Variants in FHIT observed in about 807,000 individuals in gnomAD.
FHIT encodes bis(5'-adenosyl)-triphosphatase.
Under a neutral mutation model 17.9 loss-of-function variants are expected in FHIT, and 19 were observed. The ratio of observed to expected loss-of-function variants is 1.06; its 90% CI spans 0.74 to 1.56. FHIT has a LOEUF of 1.56. FHIT is among the 40% of genes most tolerant of loss of function. FHIT has a pLI of 0.00. For synonymous variants in FHIT, 81 were observed against 69.7 expected (o/e 1.16, Z -0.81); for missense variants, 248 against 189.2 (o/e 1.31, Z -1.82).
At chr3:60,912,906 A>G (rs1706818877) in intron 3 of FHIT, 1 of 395,246 alleles carries the variant, frequency 2.5e-6, no homozygotes, top group Non-Finnish European at 4.8e-6. Flanking sequence ...GTGCAAGTAC[A>G]TGTTAATAAA....
intron 5 of FHIT, among the ~76,000 whole-genome samples, chr3:60,490,331 A>C (rs2034012298): frequency 6.6e-6 from 1 of 152,092 alleles, no homozygotes; most frequent in Non-Finnish European, 1.5e-5. Flanking sequence ...AGTTAACAAA[A>C]TGTGTTATGG....
intron 5 of FHIT, chr3:60,535,974 G>A (rs986063400): frequency 6.6e-6 from 1 of 151,996 alleles, no homozygotes; most frequent in African/African-American, 2.4e-5. Context: ...TCATTTCAAA[G>A]CAAAATCATG....
chr3:60,331,022 G>A (rs1235466974), intron 5 of FHIT, among the ~76,000 whole-genome samples: 1 of 152,130 alleles, frequency 6.6e-6, no homozygotes, highest in African/African-American at 2.4e-5. Context: ...TTCTTCCAAG[G>A]CTTCCTCCTG....
chr3:61,202,008 G>T lies in FHIT; in HGVS notation c.-212-1343C>A, dbSNP rs187924997. On this transcript the variant is annotated intron_variant, in intron 1 of 9. Transcript: ENST00000492590. ...TATGTGCATATATATACACACACAT[G>T]TACAAATATACATACACATGTGTAT... is the stretch of plus-strand genomic sequence containing the variant. Among the ~76,000 whole-genome samples the T allele has an allele frequency of 5.8e-3, 879 of 150,986 alleles. 6 individuals carry two copies. Among genetic ancestry groups the T allele is most frequent in the South Asian group, 0.011 (51 of 4,796 alleles).
At chr3:60,324,336 A>G (rs1370210531) in intron 5 of FHIT, among the ~76,000 whole-genome samples, 1 of 82 alleles carries the variant, frequency 0.012, no homozygotes, top group East Asian at 0.25. Context: ...CTGTAATCCC[A>G]GAACTTTGGA....
At chr3:60,374,300 T>C (rs1457172234) in intron 5 of FHIT, among the ~76,000 whole-genome samples, 1 of 152,122 alleles carries the variant, frequency 6.6e-6, no homozygotes, top group African/African-American at 2.4e-5. Flanking sequence ...TTTAGTTACT[T>C]TTTGCAACCT....
chr3:60,578,118 G>A (rs1283899214), intron 4 of FHIT, among the ~76,000 whole-genome samples: 4 of 152,002 alleles, frequency 2.6e-5, no homozygotes, highest in African/African-American at 9.7e-5. Context: ...ATACAGAAAG[G>A]GATGGAGAAC....
chr3:60,081,549 G>C (rs1407720576), intron 5 of FHIT, among the ~76,000 whole-genome samples: 2 of 152,096 alleles, frequency 1.3e-5, no homozygotes, highest in Non-Finnish European at 2.9e-5. Flanking sequence ...TTCATATCCT[G>C]ATTGAGATAC....
rs1576893644 is a variant in FHIT at position 60,567,382 on chromosome 3, C to G, written c.-17-30403G>C. On this transcript the variant is annotated intron_variant, in intron 4 of 9. Coordinates refer to ENST00000492590, the MANE Select transcript of FHIT (RefSeq NM_002012.4). The stretch of plus-strand genomic sequence containing the variant: ...AGGATTCTCTATTTAATAAATGGTG[C>G]TGGGAAAACTGGTTAGCCATATATA... 2.6e-5 allele frequency among the ~76,000 whole-genome samples: 4 copies of G among 152,156 alleles called. No individual in the cohort carries two copies. In the South Asian group the frequency reaches 6.2e-4, roughly 24 times the overall value.
At chr3:59,930,073 G>A (rs1705891786) in intron 7 of FHIT, among the ~76,000 whole-genome samples, 1 of 152,184 alleles carries the variant, frequency 6.6e-6, no homozygotes, top group African/African-American at 2.4e-5. Flanking sequence ...CTGAGAACCA[G>A]TGAAGAATAT....
chr3:60,347,372 C>G (rs1430069714), intron 5 of FHIT, among the ~76,000 whole-genome samples: 1 of 151,972 alleles, frequency 6.6e-6, no homozygotes. Context: ...AGTAAGTTGT[C>G]TGCAAATAAA....
chr3:60,985,000 T>A lies in FHIT; in HGVS notation c.-111+57047A>T, dbSNP rs375185197. 5.2e-4 allele frequency among the ~76,000 whole-genome samples: 79 copies of A among 152,258 alleles called. 1 individual carries two copies. The highest frequency in any genetic ancestry group is 1.8e-3 in the African/African-American group (73 of 41,546). On this transcript the variant is annotated intron_variant, in intron 3 of 9. Transcript: ENST00000492590. ...AGAGATTAGTACTAAGGGGGCCTGA[T>A]ATTCAGGCAATGGTGAGAATCTAGA...
At chr3:61,045,231 G>T (rs1330672432) in intron 2 of FHIT, among the ~76,000 whole-genome samples, 1 of 152,182 alleles carries the variant, frequency 6.6e-6, no homozygotes, top group East Asian at 1.9e-4. Flanking sequence ...CTCTATTCAG[G>T]AGACCCATCT....
At chr3:59,773,200 T>G (rs9816712) in intron 8 of FHIT, among the ~76,000 whole-genome samples, 122,599 of 151,670 alleles carry the variant, frequency 0.81, 50,245 homozygotes, top group East Asian at 1. Flanking sequence ...CAAGCAGGCT[T>G]CGAGCAGAGC....
chr3:60,533,708 G>C (rs2035871879), intron 5 of FHIT, among the ~76,000 whole-genome samples: 1 of 152,162 alleles, frequency 6.6e-6, no homozygotes, highest in Non-Finnish European at 1.5e-5. Flanking sequence ...AGAAAGTATA[G>C]TAAAGGGATA....
chr3:61,239,827 T>C (rs1327378885), intron 1 of FHIT, among the ~76,000 whole-genome samples: 1 of 140,548 alleles, frequency 7.1e-6, no homozygotes, highest in Non-Finnish European at 1.5e-5. Context: ...TAAAACAGAA[T>C]GGCAACTTAG....
At chr3:59,886,525 C>T (rs1309925418) in intron 8 of FHIT, among the ~76,000 whole-genome samples, 1 of 152,138 alleles carries the variant, frequency 6.6e-6, no homozygotes, top group African/African-American at 2.4e-5. Context: ...TGCTTCCACT[C>T]ATGGCAAGGG....
intron 5 of FHIT, among the ~76,000 whole-genome samples, chr3:60,426,202 T>C (rs1401379848): frequency 6.6e-6 from 1 of 152,140 alleles, no homozygotes; most frequent in East Asian, 1.9e-4. Context: ...CTGACTCACA[T>C]GATGATTGTA....
At chr3:60,119,002 C>T (rs1051381905) in intron 5 of FHIT, among the ~76,000 whole-genome samples, 7 of 150,854 alleles carry the variant, frequency 4.6e-5, no homozygotes, top group African/African-American at 1.2e-4. Flanking sequence ...GCCTGGGCAA[C>T]AGAGGAAGGC....
Sources: allele counts gnomAD v4.1 joint callset (sites outside exome capture counted in the v4.1 genomes callset), GRCh38; gene constraint gnomAD v4.1.1; transcripts MANE v1.5; gene names NCBI Gene and HGNC (gene_info 2026-07-23, HGNC 2026-07-21).